The following FNBP1 variants were observed in gnomAD, a reference collection of about 807,000 sequenced individuals.
The protein encoded by FNBP1 is formin binding protein 1, also known as formin-binding protein 1.
In FNBP1, 26 loss-of-function variants were observed where a neutral mutation model predicts 90.6. The ratio of observed to expected loss-of-function variants is 0.29; its 90% CI spans 0.21 to 0.40. The LOEUF (loss-of-function observed/expected upper bound fraction) is 0.40. FNBP1 is among the 10% of genes least tolerant of loss of function. FNBP1 has a pLI of 1.00. For missense variants in FNBP1, 635 were observed against 768.0 expected (o/e 0.83, Z 2.05); for synonymous variants, 260 against 265.2 (o/e 0.98, Z 0.19).
At chr9:129,913,351 T>C (rs1251744149) in intron 11 of FNBP1, among the ~76,000 whole-genome samples, 1 of 151,930 alleles carries the variant, frequency 6.6e-6, no homozygotes, top group Non-Finnish European at 1.5e-5. Context: ...AACTTATAAA[T>C]AGATAAGAAA....
intron 2 of FNBP1, among the ~76,000 whole-genome samples, chr9:129,979,630 T>TAA: frequency 6.6e-6 from 1 of 152,316 alleles, no homozygotes; most frequent in South Asian, 2.1e-4. Flanking sequence ...AGACCATGTG[T>TAA]AAATATGCAG....
intron 15 of FNBP1, 88 bp from the exon 16 acceptor site, chr9:129,896,084 T>C (rs531475082): frequency 7.2e-7 from 1 of 1,388,574 alleles, no homozygotes; most frequent in African/African-American, 1.4e-5. Flanking sequence ...ACAAGTGTCG[T>C]CGAAGATGAA....
At chr9:129,907,286 G>T (rs905983383) in intron 12 of FNBP1, among the ~76,000 whole-genome samples, 1 of 152,092 alleles carries the variant, frequency 6.6e-6, no homozygotes, top group Non-Finnish European at 1.5e-5. Context: ...TCCATTCTGA[G>T]AATATCTTTT....
At chr9:130,027,987 A>G (rs1385218684) in intron 1 of FNBP1, among the ~76,000 whole-genome samples, 1 of 152,016 alleles carries the variant, frequency 6.6e-6, no homozygotes, top group Non-Finnish European at 1.5e-5. Context: ...TCGTGTGTTC[A>G]AACAATCATC....
chr9:129,978,418 G>A (rs1253171225), intron 4 of FNBP1, 47 bp downstream of exon 4: 1 of 1,498,848 alleles, frequency 6.7e-7, no homozygotes, highest in Non-Finnish European at 9.3e-7. Flanking sequence ...TATTCCCACT[G>A]TGTTTGGTCC....
At chr9:129,996,541 G>A (rs896669016) in intron 1 of FNBP1, among the ~76,000 whole-genome samples, 2 of 152,182 alleles carry the variant, frequency 1.3e-5, no homozygotes, top group Non-Finnish European at 2.9e-5. Flanking sequence ...GTAAGACGCA[G>A]CTATAATCTA....
intron 6 of FNBP1, among the ~76,000 whole-genome samples, chr9:129,947,530 C>G (rs901189137): frequency 1.3e-5 from 2 of 151,982 alleles, no homozygotes; most frequent in African/African-American, 4.8e-5. Context: ...CATCTATACC[C>G]GCATACCTTG....
At chr9:129,930,891 C>A (rs760398771) in intron 6 of FNBP1, among the ~76,000 whole-genome samples, 1 of 152,186 alleles carries the variant, frequency 6.6e-6, no homozygotes, top group African/African-American at 2.4e-5. Context: ...AGTGACCTGG[C>A]AAATTCACTG....
rs2042029171 is a variant in FNBP1, at chr9:129,927,068, A to C, written c.789+127T>G. 15 of 859,916 alleles carry C rather than the reference A, an allele frequency of 1.7e-5. No individual in the cohort carries two copies. In the South Asian group the frequency reaches 2.4e-4, roughly 14 times the overall value. 53.3% of individuals were successfully genotyped at this position (859,916 alleles called of 1,614,324 possible). A position where few individuals can be genotyped will look rare whatever the true frequency, so the allele number is the denominator to read the frequency against. The stretch of plus-strand genomic sequence containing the variant: ...TTATACAGCTAAATCCAAGACACAG[A>C]GCATGTGTGACCACCAAAAGCAACC... On this transcript the variant is annotated intron_variant, in intron 8 of 16. Coordinates refer to ENST00000446176, the MANE Select transcript of FNBP1 (RefSeq NM_015033.3).
chr9:129,987,303 G>A (rs1324096254), intron 2 of FNBP1, among the ~76,000 whole-genome samples: 1 of 152,062 alleles, frequency 6.6e-6, no homozygotes, highest in Non-Finnish European at 1.5e-5. Flanking sequence ...GTTGTAGAGA[G>A]AAGTGCTGAG....
chr9:130,035,728 C>A (rs937145023), intron 1 of FNBP1, among the ~76,000 whole-genome samples: 3 of 152,288 alleles, frequency 2.0e-5, no homozygotes, highest in Admixed American at 2.0e-4. Flanking sequence ...GGGTGGATCA[C>A]CTGAGGTCAG....
intron 1 of FNBP1, among the ~76,000 whole-genome samples, chr9:130,003,121 T>C (rs2055108196): frequency 5.2e-5 from 1 of 19,160 alleles, no homozygotes; most frequent in African/African-American, 9.6e-5. Flanking sequence ...ATATCTTCAT[T>C]AAGTTCAAAA....
At chr9:129,930,385 C>T (rs2042557601) in intron 6 of FNBP1, among the ~76,000 whole-genome samples, 1 of 152,076 alleles carries the variant, frequency 6.6e-6, no homozygotes, top group South Asian at 2.1e-4. Flanking sequence ...AATTTTTAAA[C>T]CCAGTTCTCA....
At position 130,042,365 on chromosome 9, in the gene FNBP1, G is replaced by A. The variant is rs529063825; in HGVS notation, c.24+587C>T. ...CACTCAGGATTGAGCTACCCCGAAA[G>A]AACAAGTGCGCCCGGAGCCGCCACG... is the stretch of plus-strand genomic sequence containing the variant. On this transcript the variant is annotated intron_variant, in intron 1 of 16. Coordinates refer to ENST00000446176, the MANE Select transcript of FNBP1 (RefSeq NM_015033.3). The surrounding 1 kb of genome is among the most constrained non-coding windows in gnomAD (Gnocchi z 5.5). Among the ~76,000 whole-genome samples the A allele has an allele frequency of 2.6e-5, 4 of 152,222 alleles. No individual in the cohort carries two copies. The highest frequency in any genetic ancestry group is 9.6e-5 in the African/African-American group (4 of 41,542).
intron 6 of FNBP1, among the ~76,000 whole-genome samples, chr9:129,938,223 AG>A (rs2043787193): frequency 6.6e-6 from 1 of 152,226 alleles, no homozygotes; most frequent in Non-Finnish European, 1.5e-5. Context: ...ATGGAGTAGA[AG>A]GGACACTAAG....
At position 130,042,899 on chromosome 9, in the gene FNBP1, G is replaced by C; in HGVS notation, c.24+53C>G. ...GCCCGCGCCCCCTCCCCAGGCCGCG[G>C]GGAAACGCAGCGCGCGCCCCGCATC... is the stretch of plus-strand genomic sequence containing the variant. On this transcript the variant is annotated intron_variant, in intron 1 of 16. Transcript: ENST00000446176. This position sits in a 1 kb window ranked among gnomAD's most constrained non-coding sequence, Gnocchi z 5.5. 1 of 1,185,944 alleles carries C rather than the reference G, an allele frequency of 8.4e-7. No homozygotes were observed. The highest frequency in any genetic ancestry group is 1.6e-5 in the African/African-American group (1 of 63,032). The allele number at this position is 1,185,944 out of a possible 1,614,324, so 73.5% of individuals were successfully genotyped here. A position where few individuals can be genotyped will look rare whatever the true frequency, so the allele number is the denominator to read the frequency against.
chr9:130,003,194 C>A (rs1012422241), intron 1 of FNBP1, among the ~76,000 whole-genome samples: 3 of 152,064 alleles, frequency 2.0e-5, no homozygotes, highest in Non-Finnish European at 4.4e-5. Flanking sequence ...ACACGTGGCT[C>A]ACACCTGTAA....
chr9:129,935,225 G>A (rs2072135138), intron 6 of FNBP1, among the ~76,000 whole-genome samples: 1 of 151,052 alleles, frequency 6.6e-6, no homozygotes, highest in African/African-American at 2.4e-5. Context: ...CTGGGCTCAG[G>A]CGACCCTGCC....
At chr9:129,909,511 C>T (rs1376820380) in intron 11 of FNBP1, among the ~76,000 whole-genome samples, 1 of 151,770 alleles carries the variant, frequency 6.6e-6, no homozygotes, top group Non-Finnish European at 1.5e-5. Flanking sequence ...TGTAAAGTGA[C>T]AGATGGGACA....
Sources: gnomAD v4.1 joint callset for allele counts (sites outside exome capture counted in the v4.1 genomes callset) on GRCh38, gnomAD v4.1.1 for gene constraint, Gnocchi (gnomAD v3.1) non-coding constraint, MANE v1.5 for transcripts, NCBI Gene and HGNC (gene_info 2026-07-23, HGNC 2026-07-21) for gene names.